The following PITPNC1 variants were observed in gnomAD, a reference collection of about 807,000 sequenced individuals.
PITPNC1 encodes the protein phosphatidylinositol transfer protein cytoplasmic 1.
PITPNC1 carries 18 observed loss-of-function variants against 44.7 expected under a neutral mutation model. The ratio of observed to expected loss-of-function variants is 0.40; its 90% CI spans 0.28 to 0.60. The LOEUF (loss-of-function observed/expected upper bound fraction) is 0.60. PITPNC1 is among the 20% of genes least tolerant of loss of function. The pLI is 0.39. For missense variants in PITPNC1, 290 were observed against 418.4 expected, an observed-to-expected ratio of 0.69 and a Z score of 2.68; for synonymous variants, 141 against 149.6, an observed-to-expected ratio of 0.94 and a Z score of 0.42.
At chr17:67,653,461 C>G (rs755671422) in intron 6 of PITPNC1, among the ~76,000 whole-genome samples, 1 of 152,132 alleles carries the variant, frequency 6.6e-6, no homozygotes, top group Non-Finnish European at 1.5e-5. Flanking sequence ...CTGATGACAC[C>G]TCGATTTGGG....
At chr17:67,464,691 G>A (rs1334928577) in intron 1 of PITPNC1, among the ~76,000 whole-genome samples, 1 of 151,516 alleles carries the variant, frequency 6.6e-6, no homozygotes, top group Admixed American at 6.6e-5. Flanking sequence ...ACAGCGTTAT[G>A]AATTTAATAA....
chr17:67,489,125 A>T (rs2039824615), intron 1 of PITPNC1, among the ~76,000 whole-genome samples: 1 of 152,206 alleles, frequency 6.6e-6, no homozygotes. Flanking sequence ...ATTGGAATTG[A>T]TGGGTCATAC....
intron 1 of PITPNC1, among the ~76,000 whole-genome samples, chr17:67,394,529 A>G (rs7210770): frequency 0.3 from 46,035 of 152,074 alleles, 7,786 homozygotes; most frequent in Non-Finnish European, 0.39. Context: ...ATAAAATCTA[A>G]TAAAGCCCAG....
At chr17:67,446,763 C>T (rs2039102185) in intron 1 of PITPNC1, among the ~76,000 whole-genome samples, 1 of 151,736 alleles carries the variant, frequency 6.6e-6, no homozygotes, top group Non-Finnish European at 1.5e-5. Context: ...GCAGATGCAC[C>T]TGACAGCCAT....
intron 5 of PITPNC1, among the ~76,000 whole-genome samples, chr17:67,586,338 T>G (rs1013998111): frequency 2.6e-5 from 4 of 151,756 alleles, no homozygotes; most frequent in Admixed American, 2.6e-4. Flanking sequence ...TTTCCAGCAC[T>G]TTGGGAGGCT....
In PITPNC1 at chr17:67,475,567, G is replaced by A. The variant is rs148910100; in HGVS notation, c.49-57235G>A. Among the ~76,000 whole-genome samples the A allele has an allele frequency of 5.3e-5, 8 of 152,308 alleles. No individual in the cohort carries two copies. In the East Asian group the frequency reaches 9.6e-4, roughly 18 times the overall value. On this transcript the variant is annotated intron_variant, in intron 1 of 8. Coordinates refer to ENST00000581322, the MANE Select transcript of PITPNC1 (RefSeq NM_012417.4). ...CCAAGGCAGAGGCTGCGACGACCTCGTACAGCCGCTGATGCCATCTGTTGG... is the reference window on the plus strand; with the variant it reads ...CCAAGGCAGAGGCTGCGACGACCTCATACAGCCGCTGATGCCATCTGTTGG...
intron 1 of PITPNC1, among the ~76,000 whole-genome samples, chr17:67,448,069 C>T (rs1357822325): frequency 2.0e-5 from 3 of 152,044 alleles, no homozygotes; most frequent in East Asian, 3.9e-4. Context: ...CTTCAGCCTC[C>T]GGAGTAGCTG....
chr17:67,536,155 T>G (rs1382473006), intron 2 of PITPNC1, among the ~76,000 whole-genome samples: 1 of 152,060 alleles, frequency 6.6e-6, no homozygotes, highest in Non-Finnish European at 1.5e-5. Flanking sequence ...ACAGTAATAA[T>G]AAGACAACAA....
At chr17:67,609,782 A>G (rs1427119233) in intron 5 of PITPNC1, among the ~76,000 whole-genome samples, 2 of 150,002 alleles carry the variant, frequency 1.3e-5, no homozygotes, top group Non-Finnish European at 3.0e-5. Context: ...GTTAGATCCA[A>G]TTCCAAAAAA....
At chr17:67,521,832 G>A (rs1010786827) in intron 1 of PITPNC1, among the ~76,000 whole-genome samples, 1 of 152,226 alleles carries the variant, frequency 6.6e-6, no homozygotes, top group African/African-American at 2.4e-5. Context: ...TGATGTTCAT[G>A]TGACATTCAT....
chr17:67,519,182 T>G (rs969618961), intron 1 of PITPNC1, among the ~76,000 whole-genome samples: 20 of 145,802 alleles, frequency 1.4e-4, no homozygotes, highest in Non-Finnish European at 2.3e-4. Context: ...TTTTTTTTTT[T>G]TTTTTTTTTT....
At chr17:67,627,207 C>T (rs1394398919) in intron 5 of PITPNC1, among the ~76,000 whole-genome samples, 1 of 152,176 alleles carries the variant, frequency 6.6e-6, no homozygotes, top group Non-Finnish European at 1.5e-5. Flanking sequence ...GAGCCGAGAT[C>T]GTGCCATCGC....
chr17:67,478,779 G>A (rs945581805), intron 1 of PITPNC1, among the ~76,000 whole-genome samples: 3 of 152,188 alleles, frequency 2.0e-5, no homozygotes, highest in Admixed American at 6.5e-5. Flanking sequence ...TATACGCACA[G>A]AAGCCATTCA....
intron 4 of PITPNC1, among the ~76,000 whole-genome samples, chr17:67,556,594 G>A (rs183953938): frequency 7.9e-4 from 120 of 152,242 alleles, no homozygotes; most frequent in African/African-American, 2.7e-3. Flanking sequence ...AGTATGTAAT[G>A]TGGGAACCCA....
At chr17:67,563,544 G>T (rs906381502) in intron 4 of PITPNC1, among the ~76,000 whole-genome samples, 12 of 152,140 alleles carry the variant, frequency 7.9e-5, no homozygotes, top group Non-Finnish European at 1.2e-4. Context: ...TGGGCTGAGG[G>T]TTCTTCTCAA....
chr17:67,682,140 A>T (rs1456793571), intron 8 of PITPNC1, among the ~76,000 whole-genome samples: 1 of 151,964 alleles, frequency 6.6e-6, no homozygotes, highest in African/African-American at 2.4e-5. Flanking sequence ...GGCAGAGGTT[A>T]CAGTGAGCCG....
chr17:67,674,012 ATATT>A (rs1298389925), intron 7 of PITPNC1, among the ~76,000 whole-genome samples: 9 of 151,786 alleles, frequency 5.9e-5, no homozygotes, highest in Non-Finnish European at 8.8e-5. Context: ...AATTGAATCA[ATATT>A]TATTTTTTAA....
intron 5 of PITPNC1, among the ~76,000 whole-genome samples, chr17:67,629,626 C>A (rs2642056): frequency 0.26 from 39,273 of 152,218 alleles, 5,504 homozygotes; most frequent in East Asian, 0.45. Context: ...TTAGCTCATA[C>A]TTAAAAGAGA....
chr17:67,382,849 C>G (rs1337946081), intron 1 of PITPNC1, among the ~76,000 whole-genome samples: 1 of 151,878 alleles, frequency 6.6e-6, no homozygotes, highest in Non-Finnish European at 1.5e-5. Flanking sequence ...TTGTCTCGAA[C>G]TCCTGACCTC....
Sources: allele counts gnomAD v4.1 joint callset (sites outside exome capture counted in the v4.1 genomes callset), GRCh38; gene constraint gnomAD v4.1.1; transcripts MANE v1.5; gene names NCBI Gene and HGNC (gene_info 2026-07-23, HGNC 2026-07-21).